NDUFAF6: variants seen among roughly 807,000 people sequenced by gnomAD.
The protein encoded by NDUFAF6 is NADH dehydrogenase (ubiquinone) complex I, assembly factor 6.
In NDUFAF6, 45 loss-of-function variants were observed where a neutral mutation model predicts 40.8. The observed-to-expected ratio is 1.10, with a 90% CI of 0.87 to 1.42. NDUFAF6 has a LOEUF of 1.42. Among genes scored for constraint, NDUFAF6 ranks in the 40% most tolerant of loss-of-function variants. The pLI is 0.00. For missense variants in NDUFAF6, 435 were observed against 418.5 expected (o/e 1.04, Z -0.34); for synonymous variants, 185 against 155.9 (o/e 1.19, Z -1.39).
chr8:95,025,056 C>A lies in NDUFAF6; in HGVS notation c.48C>A (p.Gly16=). The stretch of plus-strand genomic sequence containing the variant: ...CTGTCTGGGGGCCGTTGCGGCTTGG[C>A]ATCCCCGGCCTGTGCTGCCGCCGGC... ...HGSVWGPLRL[G]IPGLCCRRPP... Residue 16 remains glycine (G), a synonymous_variant, in exon 1 of 9, where the codon GGC becomes GGA. Transcript: ENST00000396124. 1 of 1,419,456 alleles carries A rather than the reference C, an allele frequency of 7.0e-7. No individual in the cohort carries two copies. Among genetic ancestry groups the A allele is most frequent in the Non-Finnish European group, 9.1e-7 (1 of 1,098,884 alleles). The allele number at this position is 1,419,456 out of a possible 1,614,324, so 87.9% of individuals were successfully genotyped here. A position where few individuals can be genotyped will look rare whatever the true frequency, so the allele number is the denominator to read the frequency against.
At chr8:95,089,420 A>G (rs953893729) in intron 2 of NDUFAF6, among the ~76,000 whole-genome samples, 3 of 150,594 alleles carry the variant, frequency 2.0e-5, no homozygotes, top group African/African-American at 7.4e-5. Context: ...ATCCAGTATC[A>G]CTGTATATAG....
At chr8:95,005,526 A>AATATATATATATATATATATATATATAT (rs760333438) in intron 2 of NDUFAF6, among the ~76,000 whole-genome samples, 2 of 7,272 alleles carry the variant, frequency 2.8e-4, no homozygotes, top group African/African-American at 1.5e-3. Context: ...GGTCCTTTTA[A>AATATATATATATATATATATATATATAT]ATATATATAT....
chr8:95,025,038 G>A lies in NDUFAF6; in HGVS notation c.30G>A (p.Trp10Ter). 7.1e-7 allele frequency: 1 copy of A among 1,415,510 alleles called. No homozygotes were observed. Among genetic ancestry groups the A allele is most frequent in the Non-Finnish European group, 9.1e-7 (1 of 1,097,176 alleles). 87.7% of individuals were successfully genotyped at this position (1,415,510 alleles called of 1,614,324 possible). Residue 10 changes from tryptophan (W) to a stop codon, truncating the protein, a stop_gained, in exon 1 of 9, where the codon TGG (tryptophan) becomes TGA (stop). Coordinates refer to ENST00000396124, the MANE Select transcript of NDUFAF6 (RefSeq NM_152416.4). LOFTEE classifies it high-confidence loss of function. Reference protein sequence around the residue: MAASAHGSVWGPLRLGIPGL... With the variant: MAASAHGSV ...CGGCCTCCGCGCACGGCTCTGTCTG[G>A]GGGCCGTTGCGGCTTGGCATCCCCG...
intron 2 of NDUFAF6, among the ~76,000 whole-genome samples, chr8:95,000,881 A>G (rs1025182256): frequency 6.6e-6 from 1 of 152,000 alleles, no homozygotes; most frequent in Non-Finnish European, 1.5e-5. Context: ...AGGTTGCAAT[A>G]AGCCAAGATT....
intron 2 of NDUFAF6, among the ~76,000 whole-genome samples, chr8:95,012,589 C>T (rs551849426): frequency 6.6e-6 from 1 of 152,032 alleles, no homozygotes; most frequent in South Asian, 2.1e-4. Flanking sequence ...GCAGGTGGCT[C>T]TCTTGAGGAC....
upstream of NDUFAF6, among the ~76,000 whole-genome samples, chr8:95,098,815 G>A (rs1039629321): frequency 2.7e-5 from 4 of 148,072 alleles, no homozygotes; most frequent in African/African-American, 1.0e-4. Context: ...CCAGCTACCC[G>A]GCAGGCTGAG....
At chr8:94,948,110 T>C (rs1822176352) in intron 2 of NDUFAF6, among the ~76,000 whole-genome samples, 1 of 152,158 alleles carries the variant, frequency 6.6e-6, no homozygotes, top group African/African-American at 2.4e-5. Context: ...GGAGTCACAG[T>C]TGTAAAGAGG....
At chr8:95,105,265 C>T (rs1033656225), downstream of NDUFAF6, among the ~76,000 whole-genome samples, 4 of 152,192 alleles carry the variant, frequency 2.6e-5, no homozygotes, top group African/African-American at 9.6e-5. Context: ...ACCAAGACAG[C>T]TGGCCATGCC....
At chr8:94,903,975 T>C (rs1818198856) in intron 1 of NDUFAF6, among the ~76,000 whole-genome samples, 2 of 152,140 alleles carry the variant, frequency 1.3e-5, no homozygotes, top group Admixed American at 1.3e-4. Context: ...AGAGCACCTC[T>C]GACCTGCCCC....
At position 94,972,342 on chromosome 8, in the gene NDUFAF6, A is replaced by G. The variant is rs544875886; in HGVS notation, c.-198-8517A>G. ...CTGCAACCTCTGCCTCCCGGGTTCA[A>G]GCAGTTCTCCTGCTTCAGCCTGCCA... On this transcript the variant is annotated intron_variant, in intron 1 of 9. Coordinates refer to the NDUFAF6 transcript ENST00000396111. 5.9e-5 allele frequency among the ~76,000 whole-genome samples: 9 copies of G among 152,214 alleles called. No homozygotes were observed. The South Asian group carries it at 1.9e-3, about 32-fold the overall frequency.
chr8:95,079,889 G>GT (rs1237746191), downstream of NDUFAF6, among the ~76,000 whole-genome samples: 24 of 28,048 alleles, frequency 8.6e-4, 1 homozygote, highest in Admixed American at 2.1e-3. Flanking sequence ...TTTTTGTAGT[G>GT]ATTTTTTGTA....
At chr8:95,057,056 T>C (rs1394081159) in intron 8 of NDUFAF6, among the ~76,000 whole-genome samples, 2 of 152,190 alleles carry the variant, frequency 1.3e-5, no homozygotes, top group African/African-American at 4.8e-5. Context: ...CCTGCATTAA[T>C]CCCCCAGGTT....
At chr8:94,992,382 G>C (rs1011273833) in intron 2 of NDUFAF6, among the ~76,000 whole-genome samples, 2 of 152,112 alleles carry the variant, frequency 1.3e-5, no homozygotes, top group Non-Finnish European at 2.9e-5. Flanking sequence ...AGCTATTCGA[G>C]AAGCTGAGGC....
chr8:95,101,240 T>C (rs924217288), intron 2 of NDUFAF6: 3 of 152,240 alleles, frequency 2.0e-5, no homozygotes, highest in African/African-American at 7.2e-5. Context: ...AGTCACATAA[T>C]GCACAATGTT....
chr8:94,896,298 G>T (rs1817560601), intron 1 of NDUFAF6, among the ~76,000 whole-genome samples: 1 of 148,450 alleles, frequency 6.7e-6, no homozygotes, highest in Non-Finnish European at 1.5e-5. Flanking sequence ...GCGCCCTGCG[G>T]AGCCCGCGCG....
chr8:94,941,204 C>T (rs575388609), intron 1 of NDUFAF6: 47 of 316,536 alleles, frequency 1.5e-4, no homozygotes, highest in African/African-American at 8.3e-4. Context: ...GGCCTACATT[C>T]TACAGCTATT....
chr8:94,945,588 G>C (rs906790396), exon 2 of NDUFAF6: 11 of 152,318 alleles, frequency 7.2e-5, no homozygotes, highest in African/African-American at 2.6e-4. Context: ...CCCAGGGATG[G>C]AGGCTCTCAA....
At chr8:94,977,892 A>G (rs890142979) in intron 1 of NDUFAF6, among the ~76,000 whole-genome samples, 2 of 152,154 alleles carry the variant, frequency 1.3e-5, no homozygotes, top group African/African-American at 4.8e-5. Flanking sequence ...ATTATGATAT[A>G]ATAAAACATA....
At chr8:95,042,535 G>A (rs1830259773) in intron 4 of NDUFAF6, among the ~76,000 whole-genome samples, 1 of 152,140 alleles carries the variant, frequency 6.6e-6, no homozygotes. Context: ...TTTGAAGGGG[G>A]GGATATTTAA....
Sources: allele counts gnomAD v4.1 joint callset (sites outside exome capture counted in the v4.1 genomes callset), GRCh38; gene constraint gnomAD v4.1.1; transcripts MANE v1.5; gene names NCBI Gene and HGNC (gene_info 2026-07-23, HGNC 2026-07-21).